The following SYNE1 variants were observed in gnomAD, a reference collection of about 807,000 sequenced individuals.
SYNE1 encodes the protein nesprin-1.
Under a neutral mutation model 1,111.0 loss-of-function variants are expected in SYNE1, and 616 were observed. The observed-to-expected ratio is 0.55, with a 90% confidence interval of 0.52 to 0.59. The LOEUF (loss-of-function observed/expected upper bound fraction) is 0.59. SYNE1 is among the 20% of genes least tolerant of loss of function. The pLI is 0.00. For synonymous variants in SYNE1, 3,855 were observed against 3,825.8 expected (o/e 1.01, Z -0.28); for missense variants, 10,006 against 10,417.0 (o/e 0.96, Z 1.72).
chr6:152,152,222 G>T, intron 133 of SYNE1, 81 bp from the exon 134 acceptor site: 3 of 1,262,526 alleles, frequency 2.4e-6, no homozygotes, highest in Non-Finnish European at 2.3e-6. Context: ...TTATTGTAGC[G>T]TCTGGGAGAA....
At chr6:152,145,436 G>A in intron 137 of SYNE1, 2 of 1,536,988 alleles carry the variant, frequency 1.3e-6, no homozygotes, top group Non-Finnish European at 1.8e-6. Flanking sequence ...AAGAGAGGAG[G>A]ATTGCTATAC....
chr6:152,428,840 T>C (rs1378814177), intron 36 of SYNE1, among the ~76,000 whole-genome samples: 5 of 152,042 alleles, frequency 3.3e-5, no homozygotes, highest in Non-Finnish European at 7.4e-5. Flanking sequence ...ACTTCATAAA[T>C]ACAGAAATCA....
chr6:152,256,303 G>A (rs752050388), intron 102 of SYNE1, among the ~76,000 whole-genome samples: 6 of 151,770 alleles, frequency 4.0e-5, no homozygotes, highest in Non-Finnish European at 7.4e-5. Context: ...GGTGGCACAC[G>A]CCTGTAGTCC....
intron 77 of SYNE1, among the ~76,000 whole-genome samples, chr6:152,332,629 T>C (rs725235): frequency 0.11 from 17,402 of 152,204 alleles, 1,487 homozygotes; most frequent in East Asian, 0.51. Flanking sequence ...ATGTGCTTTC[T>C]TTTGTGAAGA....
intron 45 of SYNE1, among the ~76,000 whole-genome samples, chr6:152,404,620 T>C (rs545043229): frequency 6.6e-6 from 1 of 152,302 alleles, no homozygotes; most frequent in Non-Finnish European, 1.5e-5. Context: ...GTGGGGATTT[T>C]CAATAGGCTA....
intron 96 of SYNE1, among the ~76,000 whole-genome samples, chr6:152,282,629 G>A (rs987715249): frequency 9.2e-5 from 14 of 151,820 alleles, no homozygotes; most frequent in African/African-American, 3.4e-4. Flanking sequence ...CAATATAAAT[G>A]AATTAAAAGT....
rs1716053361 is a variant in SYNE1 at position 152,283,827 on chromosome 6, T to A, written c.18207+151A>T. The A allele has an allele frequency of 1.1e-5, 8 of 737,096 alleles. No individual in the cohort carries two copies. The Admixed American group carries it at 1.6e-4, about 15-fold the overall frequency. The allele number at this position is 737,096 out of a possible 1,614,324, so 45.7% of individuals were successfully genotyped here. The stretch of plus-strand genomic sequence containing the variant: ...TGGGATTACAGGTGTGAACCACCCC[T>A]CCCGGCCGTGGAGACCATTCTTGAA... On this transcript the variant is annotated intron_variant, in intron 96 of 145. Transcript: ENST00000367255.
At chr6:152,423,249 A>G (rs772675159) in intron 39 of SYNE1, among the ~76,000 whole-genome samples, 18 of 152,216 alleles carry the variant, frequency 1.2e-4, no homozygotes, top group Non-Finnish European at 2.2e-4. Context: ...CTGAGCTCAC[A>G]ATCTTTCTGT....
At chr6:152,138,742 A>C (rs557059573) in intron 140 of SYNE1, among the ~76,000 whole-genome samples, 13 of 152,180 alleles carry the variant, frequency 8.5e-5, no homozygotes, top group Non-Finnish European at 1.3e-4. Context: ...AAACAGGAAA[A>C]AACAAGCACT....
chr6:152,200,149 T>A (rs553131386), intron 127 of SYNE1, among the ~76,000 whole-genome samples: 1 of 152,314 alleles, frequency 6.6e-6, no homozygotes, highest in East Asian at 1.9e-4. Flanking sequence ...ACCAACTGTT[T>A]CAGACGCACA....
intron 135 of SYNE1, among the ~76,000 whole-genome samples, chr6:152,151,012 G>A (rs2060312408): frequency 6.6e-6 from 1 of 152,092 alleles, no homozygotes; most frequent in Admixed American, 6.6e-5. Context: ...AGGAGTTCGA[G>A]ACCAGCCTGG....
intron 9 of SYNE1, among the ~76,000 whole-genome samples, chr6:152,504,111 T>A (rs1215576042): frequency 6.6e-6 from 1 of 152,164 alleles, no homozygotes. Flanking sequence ...CATATTCTCC[T>A]TTCATCCCAC....
At chr6:152,323,073 C>T (rs918639415) in intron 82 of SYNE1, among the ~76,000 whole-genome samples, 2 of 152,120 alleles carry the variant, frequency 1.3e-5, no homozygotes, top group African/African-American at 2.4e-5. Flanking sequence ...GTGATGGGAA[C>T]GGATCCCCAC....
chr6:152,141,159 A>T, intron 139 of SYNE1, 44 bp downstream of exon 139: 2 of 1,613,684 alleles, frequency 1.2e-6, no homozygotes, highest in African/African-American at 1.3e-5. Context: ...GTGCTTCAGG[A>T]TCTTCTATTT....
Position 152,498,782 on chromosome 6 carries a change from G to C in SYNE1, c.899C>G (p.Pro300Arg). 1 of 1,538,062 alleles carries C rather than the reference G, an allele frequency of 6.5e-7. No homozygotes were observed. The highest frequency in any genetic ancestry group is 8.9e-7 in the Non-Finnish European group (1 of 1,127,278). ...TDGQEDDEIL[P>R]GFPSFANSVQ... ...AGAATTTGCAAAAGATGGGAAACCTGGAAGTATTTCCTAACAATATGAAAA... is the reference window on the plus strand; with the variant it reads ...AGAATTTGCAAAAGATGGGAAACCTCGAAGTATTTCCTAACAATATGAAAA... Residue 300 changes from proline (P) to arginine (R), a missense_variant, in exon 11 of 146, where the codon CCA becomes CGA. Transcript: ENST00000367255.
In SYNE1 at chr6:152,268,230, G is replaced by A. The variant is rs2092890707; in HGVS notation, c.18706-65C>T. On this transcript the variant is annotated intron_variant, in intron 99 of 145. Coordinates refer to ENST00000367255, the MANE Select transcript of SYNE1 (RefSeq NM_182961.4). ...TTTATGATTATTGCCTACAATCATA[G>A]TTCTAGCTATAAAATTCTCAGAGAA... 16 of 1,279,114 alleles carry A rather than the reference G, an allele frequency of 1.3e-5. No individual in the cohort carries two copies. In the South Asian group the frequency reaches 1.7e-4, roughly 13 times the overall value. 79.2% of individuals were successfully genotyped at this position (1,279,114 alleles called of 1,614,324 possible).
At chr6:152,177,770 C>G (rs1411440813) in intron 129 of SYNE1, among the ~76,000 whole-genome samples, 1 of 152,170 alleles carries the variant, frequency 6.6e-6, no homozygotes, top group East Asian at 1.9e-4. Context: ...GTGTTTCTTT[C>G]AAGGGAATTA....
At chr6:152,310,287 A>G in intron 89 of SYNE1, 109 bp downstream of exon 89, 2 of 1,490,488 alleles carry the variant, frequency 1.3e-6, no homozygotes, top group Non-Finnish European at 1.8e-6. Flanking sequence ...ATTTAAAAAT[A>G]AATTAAAAAA....
In SYNE1 at chr6:152,526,263, G is replaced by A. The variant is rs2099163246; in HGVS notation, c.130-88C>T. ...CTCTCTCACCTTTGTTACTTATGGT[G>A]GTGAAATTTGTAGGAGAGGCTTCTA... is the stretch of plus-strand genomic sequence containing the variant. On this transcript the variant is annotated intron_variant, in intron 4 of 145. Coordinates refer to ENST00000367255, the MANE Select transcript of SYNE1 (RefSeq NM_182961.4). 4.4e-6 allele frequency: 6 copies of A among 1,364,428 alleles called. No individual in the cohort carries two copies. In the Admixed American group the frequency reaches 8.8e-5, roughly 20 times the overall value. The allele number at this position is 1,364,428 out of a possible 1,614,324, so 84.5% of individuals were successfully genotyped here. A position where few individuals can be genotyped will look rare whatever the true frequency, so the allele number is the denominator to read the frequency against.
Sources: gnomAD v4.1 joint callset for allele counts (sites outside exome capture counted in the v4.1 genomes callset) on GRCh38, gnomAD v4.1.1 for gene constraint, MANE v1.5 for transcripts, NCBI Gene and HGNC (gene_info 2026-07-23, HGNC 2026-07-21) for gene names.